UPRT: variants seen among roughly 807,000 people sequenced by gnomAD.
The protein encoded by UPRT is uracil phosphoribosyltransferase homolog.
UPRT carries 5 observed loss-of-function variants against 22.6 expected under a neutral mutation model. That is an observed-to-expected ratio of 0.22 (90% CI 0.12 to 0.47). The LOEUF (loss-of-function observed/expected upper bound fraction) is 0.47, where lower values mean the gene tolerates loss of function less well. UPRT is among the 20% of genes least tolerant of loss of function. The pLI, the probability that UPRT is intolerant of heterozygous loss-of-function variation, is 0.99. For synonymous variants in UPRT, 77 were observed against 87.7 expected, an observed-to-expected ratio of 0.88 and a Z score of 0.68; for missense variants, 181 against 239.9, an observed-to-expected ratio of 0.75 and a Z score of 1.62.
intron 4 of UPRT, among the ~76,000 whole-genome samples, chrX:75,211,826 A>T (rs1028022486): frequency 9.0e-6 from 1 of 111,696 alleles, no homozygotes; most frequent in Non-Finnish European, 1.9e-5. Flanking sequence ...ACACACACAG[A>T]GAGAGGGCAG....
chrX:75,203,063 G>A (rs2082351569), intron 4 of UPRT, among the ~76,000 whole-genome samples: 1 of 111,673 alleles, frequency 9.0e-6, no homozygotes, highest in Admixed American at 9.5e-5. Context: ...CATCTCACAT[G>A]CAAAGACACA....
intron 4 of UPRT, among the ~76,000 whole-genome samples, chrX:75,190,633 G>A (rs768701948): frequency 2.7e-5 from 3 of 111,954 alleles, no homozygotes; most frequent in Non-Finnish European, 3.8e-5. Flanking sequence ...TGTAGATTTG[G>A]TCTTTTCACA....
intron 4 of UPRT, among the ~76,000 whole-genome samples, chrX:75,176,042 G>A (rs1228955877): frequency 9.0e-6 from 1 of 111,528 alleles, no homozygotes; most frequent in East Asian, 2.8e-4. Context: ...GAGTGATTCG[G>A]GTGATAGGGG....
intron 4 of UPRT, among the ~76,000 whole-genome samples, chrX:75,253,346 A>G (rs1057065213): frequency 1.8e-5 from 2 of 112,382 alleles, no homozygotes; most frequent in Non-Finnish European, 3.8e-5. Flanking sequence ...AATGCAAATG[A>G]AAACCACAAT....
chrX:75,213,020 C>T (rs1241449035), intron 4 of UPRT, among the ~76,000 whole-genome samples: 1 of 112,350 alleles, frequency 8.9e-6, no homozygotes, highest in Non-Finnish European at 1.9e-5. Context: ...GGAATTTAGA[C>T]ATATAGGAAA....
rs1378057554 is a variant in UPRT, at chrX:75,274,243, G to A, written c.-12G>A. ...TGTTCAGTAGCAGCGGGGATAGCCC[G>A]GGGCCCGGTGTATGGCCACGGAGTT... is the stretch of plus-strand genomic sequence containing the variant. On this transcript the variant is annotated 5_prime_UTR_variant, in exon 1 of 7. Coordinates refer to ENST00000373383, the MANE Select transcript of UPRT (RefSeq NM_145052.4). The A allele has an allele frequency of 2.5e-6, 3 of 1,188,559 alleles. No homozygotes were observed. The highest frequency in any genetic ancestry group is 1.9e-5 in the South Asian group (1 of 53,672).
rs752028341 is a variant in UPRT, at chrX:75,230,256, C to T, written c.-446-60768C>T. On this transcript the variant is annotated intron_variant, in intron 4 of 13. Coordinates refer to the UPRT transcript ENST00000652605. ...CCCCCAACACTCAAAGTGGCCAGAG[C>T]AAGCTCCACTCAGGGAGAGTCTGAT... Among the ~76,000 whole-genome samples, 6 of 111,596 alleles carry T rather than the reference C, an allele frequency of 5.4e-5. No homozygotes were observed. In the East Asian group the frequency reaches 1.7e-3, roughly 32 times the overall value.
In UPRT at chrX:75,156,388, G is replaced by T. The variant is rs774706533; in HGVS notation, c.-899G>T. On this transcript the variant is annotated 5_prime_UTR_variant, in exon 1 of 14. Transcript: ENST00000652605. The stretch of plus-strand genomic sequence containing the variant: ...TTTCCCAGGGCCCCAGACCGGAAAT[G>T]GATTCTGTTTGAAGATTCGGATGCA... 67 of 876,915 alleles carry T rather than the reference G, an allele frequency of 7.6e-5. No individual in the cohort carries two copies. The South Asian group carries it at 1.4e-3, about 19-fold the overall frequency. 72.3% of individuals were successfully genotyped at this position (876,915 alleles called of 1,213,427 possible). A position where few individuals can be genotyped will look rare whatever the true frequency, so the allele number is the denominator to read the frequency against.
At chrX:75,248,168 C>A (rs1013544215) in intron 4 of UPRT, among the ~76,000 whole-genome samples, 1 of 111,783 alleles carries the variant, frequency 8.9e-6, no homozygotes, top group African/African-American at 3.3e-5. Flanking sequence ...TCTCCTCCTC[C>A]AAAGGAACGC....
At chrX:75,260,637 C>A (rs1018125841) in intron 4 of UPRT, among the ~76,000 whole-genome samples, 6 of 111,635 alleles carry the variant, frequency 5.4e-5, no homozygotes, top group African/African-American at 2.0e-4. Context: ...GACTTAGACT[C>A]CCACACAATA....
intron 4 of UPRT, among the ~76,000 whole-genome samples, chrX:75,298,025 C>A (rs1255799798): frequency 1.9e-5 from 2 of 106,288 alleles, no homozygotes; most frequent in Non-Finnish European, 3.9e-5. Flanking sequence ...ATTGTCCAGG[C>A]TGGAGTATGG....
At chrX:75,259,914 G>A (rs1185301617) in intron 4 of UPRT, among the ~76,000 whole-genome samples, 5 of 112,134 alleles carry the variant, frequency 4.5e-5, no homozygotes, top group Non-Finnish European at 7.5e-5. Context: ...TCTCTCTGCA[G>A]GAACCATACA....
chrX:75,280,524 G>A (rs760261628), intron 1 of UPRT, among the ~76,000 whole-genome samples: 1 of 111,796 alleles, frequency 8.9e-6, no homozygotes, highest in Non-Finnish European at 1.9e-5. Context: ...TAGTTGAAAA[G>A]GGTGTCCTTT....
At chrX:75,257,326 T>C (rs749210763) in intron 4 of UPRT, among the ~76,000 whole-genome samples, 39 of 111,858 alleles carry the variant, frequency 3.5e-4, no homozygotes, top group African/African-American at 1.3e-3. Flanking sequence ...CCTCCCTTTA[T>C]GATTGAAACT....
At chrX:75,266,775 A>G (rs910078680) in intron 4 of UPRT, among the ~76,000 whole-genome samples, 2 of 111,697 alleles carry the variant, frequency 1.8e-5, no homozygotes, top group African/African-American at 6.5e-5. Context: ...AAAGTGGGTG[A>G]AGAATATGAA....
At chrX:75,236,829 C>G (rs368035943) in intron 4 of UPRT, among the ~76,000 whole-genome samples, 1 of 112,258 alleles carries the variant, frequency 8.9e-6, no homozygotes, top group East Asian at 2.8e-4. Flanking sequence ...AACGTTTGAC[C>G]TAAAACCATA....
intron 4 of UPRT, among the ~76,000 whole-genome samples, chrX:75,234,613 G>A (rs1472440432): frequency 8.1e-5 from 9 of 111,428 alleles, no homozygotes; most frequent in Non-Finnish European, 1.5e-4. Context: ...AATCAAACTG[G>A]AACTCAGGAT....
At chrX:75,228,614 T>C (rs191610204) in intron 4 of UPRT, among the ~76,000 whole-genome samples, 89 of 112,238 alleles carry the variant, frequency 7.9e-4, no homozygotes, top group African/African-American at 2.8e-3. Flanking sequence ...TCTTTTTTTA[T>C]ATATCCTCCA....
chrX:75,276,828 A>G (rs958310522), intron 1 of UPRT, among the ~76,000 whole-genome samples: 2 of 111,862 alleles, frequency 1.8e-5, no homozygotes, highest in African/African-American at 6.5e-5. Context: ...CCACAGTTTT[A>G]GAACATTTGT....
Sources: gnomAD v4.1 joint callset for allele counts (sites outside exome capture counted in the v4.1 genomes callset) on GRCh38, gnomAD v4.1.1 for gene constraint, MANE v1.5 for transcripts, NCBI Gene and HGNC (gene_info 2026-07-23, HGNC 2026-07-21) for gene names.